The following GRIK2 variants were observed in gnomAD, a reference collection of about 807,000 sequenced individuals.
GRIK2 encodes the protein glutamate receptor ionotropic, kainate 2.
A neutral mutation model predicts 100.3 loss-of-function variants in GRIK2; 32 were observed. That is an observed-to-expected ratio of 0.32 (90% confidence interval 0.24 to 0.43). The LOEUF (loss-of-function observed/expected upper bound fraction) is 0.43. GRIK2 is among the 20% of genes least tolerant of loss of function. GRIK2 has a pLI of 1.00. For synonymous variants in GRIK2, 417 were observed against 389.4 expected, an observed-to-expected ratio of 1.07 and a Z score of -0.83; for missense variants, 843 against 1,114.9, an observed-to-expected ratio of 0.76 and a Z score of 3.47.
chr6:101,507,119 A>G (rs1413708177), intron 2 of GRIK2, among the ~76,000 whole-genome samples: 1 of 152,112 alleles, frequency 6.6e-6, no homozygotes, highest in Admixed American at 6.6e-5. Flanking sequence ...TGATTTGACT[A>G]TTTTAGGAAT....
rs541761180 is a variant in GRIK2 at position 101,625,383 on chromosome 6, A to T, written c.284-997A>T. Among the ~76,000 whole-genome samples the T allele has an allele frequency of 5.3e-3, 715 of 135,182 alleles. 8 individuals are homozygous for T. The highest frequency in any genetic ancestry group is 0.018 in the African/African-American group (673 of 37,996). 88.7% of individuals were successfully genotyped at this position (135,182 alleles called of 152,430 possible). A position where few individuals can be genotyped will look rare whatever the true frequency, so the allele number is the denominator to read the frequency against. On this transcript the variant is annotated intron_variant, in intron 3 of 16. Coordinates refer to ENST00000369134, the MANE Select transcript of GRIK2 (RefSeq NM_021956.5). ...CTGAGACTCTATATCAACAAAATAAATAATAAATAAATAAATAAATAAATA... is the reference window on the plus strand; with the variant it reads ...CTGAGACTCTATATCAACAAAATAATTAATAAATAAATAAATAAATAAATA...
chr6:101,853,610 C>T (rs1488477363), intron 10 of GRIK2, among the ~76,000 whole-genome samples: 1 of 152,174 alleles, frequency 6.6e-6, no homozygotes, highest in Non-Finnish European at 1.5e-5. Context: ...AAACCAAAAA[C>T]TTATGTCCAC....
intron 2 of GRIK2, among the ~76,000 whole-genome samples, chr6:101,595,698 A>ATATATATG (rs371343225): frequency 2.2e-5 from 3 of 136,718 alleles, no homozygotes; most frequent in African/African-American, 8.4e-5. Flanking sequence ...GTATATATAT[A>ATATATATG]TGTGTGTGTG....
rs1562351780 is a variant in GRIK2 at position 101,744,552 on chromosome 6, A to ATC, written c.952-55095_952-55094insCT. ...TATATATATATATATATATATATAT[A>ATC]TATATATCACAATTTCTTTTTCTTT... On this transcript the variant is annotated intron_variant, in intron 7 of 16. Transcript: ENST00000369134. 213 of 121,934 alleles carry ATC rather than the reference A, an allele frequency of 1.7e-3. 4 individuals are homozygous for ATC. Among genetic ancestry groups the ATC allele is most frequent in the African/African-American group, 7.0e-3 (209 of 29,942 alleles). 7.6% of individuals were successfully genotyped at this position (121,934 alleles called of 1,614,324 possible).
In GRIK2 at chr6:102,002,188, G is replaced by A. The variant is rs570339271; in HGVS notation, c.2086-33153G>A. Among the ~76,000 whole-genome samples, 5 of 149,898 alleles carry A rather than the reference G, an allele frequency of 3.3e-5. No individual in the cohort carries two copies. In the East Asian group the frequency reaches 9.8e-4, roughly 29 times the overall value. On this transcript the variant is annotated intron_variant, in intron 14 of 16. Transcript: ENST00000369134. ...TGATATTTGATTATTACTATTTAGG[G>A]GAATTATTTTGATTTTATTGGTCTA...
chr6:101,823,592 C>A (rs909521408), intron 10 of GRIK2, among the ~76,000 whole-genome samples: 1 of 151,938 alleles, frequency 6.6e-6, no homozygotes, highest in African/African-American at 2.4e-5. Flanking sequence ...ATTATATTTT[C>A]ATTTATGATG....
chr6:101,841,167 G>A (rs1290411337), intron 10 of GRIK2, among the ~76,000 whole-genome samples: 2 of 152,240 alleles, frequency 1.3e-5, no homozygotes, highest in Non-Finnish European at 2.9e-5. Context: ...TCGAGCAATA[G>A]CATTCCGTGT....
chr6:101,864,122 C>A (rs963057283), intron 11 of GRIK2, among the ~76,000 whole-genome samples: 1 of 135,844 alleles, frequency 7.4e-6, no homozygotes, highest in African/African-American at 2.8e-5. Flanking sequence ...CCGGCCTGGG[C>A]GACAGAGCGA....
chr6:101,775,505 C>A (rs748910795), intron 7 of GRIK2, among the ~76,000 whole-genome samples: 4 of 149,654 alleles, frequency 2.7e-5, no homozygotes, highest in Non-Finnish European at 5.9e-5. Flanking sequence ...AGACAAAAAT[C>A]TTTATATATA....
At chr6:101,601,680 A>G (rs1779219500) in intron 2 of GRIK2, among the ~76,000 whole-genome samples, 1 of 151,914 alleles carries the variant, frequency 6.6e-6, no homozygotes, top group Non-Finnish European at 1.5e-5. Flanking sequence ...GTTTTCAGGA[A>G]TTTATCCATT....
At chr6:101,752,774 G>A (rs1484919576) in intron 7 of GRIK2, among the ~76,000 whole-genome samples, 1 of 152,076 alleles carries the variant, frequency 6.6e-6, no homozygotes, top group Non-Finnish European at 1.5e-5. Flanking sequence ...ATAAATATGA[G>A]CAATAATATT....
At chr6:101,535,864 G>A (rs1472515583) in intron 2 of GRIK2, among the ~76,000 whole-genome samples, 1 of 151,324 alleles carries the variant, frequency 6.6e-6, no homozygotes, top group Non-Finnish European at 1.5e-5. Flanking sequence ...CAAATGTTTT[G>A]GTCACACACA....
At chr6:101,647,174 A>C (rs910625813) in intron 4 of GRIK2, among the ~76,000 whole-genome samples, 2 of 151,990 alleles carry the variant, frequency 1.3e-5, no homozygotes, top group African/African-American at 4.8e-5. Flanking sequence ...TTCTTCACTG[A>C]ACGCTATACC....
chr6:102,042,714 C>T (rs757768553), intron 15 of GRIK2, among the ~76,000 whole-genome samples: 28 of 151,648 alleles, frequency 1.8e-4, no homozygotes, highest in Non-Finnish European at 3.2e-4. Flanking sequence ...GTAAGGAAAT[C>T]ATTGCTGACA....
intron 14 of GRIK2, among the ~76,000 whole-genome samples, chr6:102,030,309 A>AT (rs1168645531): frequency 6.6e-6 from 1 of 151,314 alleles, no homozygotes; most frequent in Admixed American, 6.6e-5. Context: ...GCATTTAAAC[A>AT]TGCTCAAATC....
intron 7 of GRIK2, among the ~76,000 whole-genome samples, chr6:101,714,290 T>C (rs1354070157): frequency 6.6e-6 from 1 of 151,730 alleles, no homozygotes; most frequent in African/African-American, 2.4e-5. Context: ...AGTCTTACAA[T>C]ACCTGTTGGA....
At chr6:101,459,846 C>T (rs986121748) in intron 2 of GRIK2, among the ~76,000 whole-genome samples, 37 of 151,834 alleles carry the variant, frequency 2.4e-4, no homozygotes, top group African/African-American at 8.9e-4. Context: ...CACTCTGCCT[C>T]CCGGGTTCAA....
chr6:101,863,154 A>G (rs1484767628), intron 11 of GRIK2, among the ~76,000 whole-genome samples: 2 of 152,134 alleles, frequency 1.3e-5, no homozygotes, highest in Non-Finnish European at 2.9e-5. Context: ...TCTCTATTAT[A>G]TACTTCCTGC....
chr6:101,694,059 GC>G (rs1436437878), intron 7 of GRIK2, among the ~76,000 whole-genome samples: 1 of 152,096 alleles, frequency 6.6e-6, no homozygotes, highest in Admixed American at 6.6e-5. Flanking sequence ...CCTGACAAGA[GC>G]ATGAAGTCCA....
Sources: allele counts gnomAD v4.1 joint callset (sites outside exome capture counted in the v4.1 genomes callset), GRCh38; gene constraint gnomAD v4.1.1; transcripts MANE v1.5; gene names NCBI Gene and HGNC (gene_info 2026-07-23, HGNC 2026-07-21).